Variants in PLEKHG3 observed in about 807,000 individuals in gnomAD.
PLEKHG3 encodes pleckstrin homology domain-containing family G member 3.
In PLEKHG3, 62 loss-of-function variants were observed where a neutral mutation model predicts 94.9. That is an observed-to-expected ratio of 0.65 (90% CI 0.53 to 0.81). The LOEUF (loss-of-function observed/expected upper bound fraction) is 0.81. Among genes scored for constraint, PLEKHG3 ranks in the 30% least tolerant of loss-of-function variants. The probability of loss-of-function intolerance (pLI) is 0.00; values close to 1 mark genes in which losing one functional copy is unlikely to be tolerated. For synonymous variants in PLEKHG3, 614 were observed against 654.0 expected (o/e 0.94, Z 0.93); for missense variants, 1,461 against 1,619.3 (o/e 0.90, Z 1.68).
rs1239583124 is a variant in PLEKHG3 at position 64,727,245 on chromosome 14, G to A, written c.-39-348G>A. Among the ~76,000 whole-genome samples, 1 of 152,166 alleles carries A rather than the reference G, an allele frequency of 6.6e-6. No individual in the cohort carries two copies. Among genetic ancestry groups the A allele is most frequent in the African/African-American group, 2.4e-5 (1 of 41,418 alleles). ...TAGAGGGTACCTGGACCACTGTGCT[G>A]GCAGGTGGACTTGGGCACCCTCATC... On this transcript the variant is annotated intron_variant, in intron 1 of 16. Coordinates refer to ENST00000247226, the MANE Select transcript of PLEKHG3 (RefSeq NM_001308147.2). The surrounding 1 kb of genome is among the most constrained non-coding windows in gnomAD (Gnocchi z 6.0).
rs779294263 is a variant in PLEKHG3, at chr14:64,741,794, C to G, written c.2277C>G (p.Ser759Arg). 6.2e-6 allele frequency: 10 copies of G among 1,613,420 alleles called. No homozygotes were observed. Among genetic ancestry groups the G allele is most frequent in the Non-Finnish European group, 7.6e-6 (9 of 1,180,046 alleles). The change falls in exon 16 of 17, where the codon AGC (serine) becomes AGG (arginine). Residue 759 changes from serine to arginine, a missense_variant. This residue lies in a region of PLEKHG3 where 1,201 missense variants were observed against 1,295.5 expected (regional missense o/e 0.93). Coordinates refer to ENST00000247226, the MANE Select transcript of PLEKHG3 (RefSeq NM_001308147.2). ...GAAACTCCATCTCCAGGTTCAACAG[C>G]CTTCCCCGGCCAGACCCAGAGCCAG... ...LVRNSISRFNSLPRPDPEPVP... is the reference protein window; with the variant it reads ...LVRNSISRFNRLPRPDPEPVP...
intron 3 of PLEKHG3, among the ~76,000 whole-genome samples, chr14:64,729,618 C>T (rs1385341133): frequency 1.3e-5 from 2 of 152,154 alleles, no homozygotes; most frequent in African/African-American, 2.4e-5. Flanking sequence ...CGGGAAAGTG[C>T]ACTGCTCTGG....
Position 64,727,679 on chromosome 14 carries a change from G to T in PLEKHG3, c.48G>T (p.Pro16=). 3 of 1,612,500 alleles carry T rather than the reference G, an allele frequency of 1.9e-6. No homozygotes were observed. The highest frequency in any genetic ancestry group is 1.7e-4 in the Middle Eastern group (1 of 6,058). Residue 16 remains proline, a synonymous_variant, in exon 2 of 17, where the codon CCG becomes CCT. Transcript: ENST00000247226. The surrounding 1 kb of genome is among the most constrained non-coding windows in gnomAD (Gnocchi z 6.0). ...ACCAGGATGGCAGCCAGGAGCGGCCGGTGAGCCTGACCTCTACCACCTCCT... is the reference window on the plus strand; with the variant it reads ...ACCAGGATGGCAGCCAGGAGCGGCCTGTGAGCCTGACCTCTACCACCTCCT... ...SLHQDGSQER[P]VSLTSTTSSS... is the part of the protein sequence containing the mutation.
Position 64,733,347 on chromosome 14 carries a change from G to C in PLEKHG3, c.1345+446G>C, listed in dbSNP as rs369267301. 6.7e-5 allele frequency among the ~76,000 whole-genome samples: 10 copies of C among 148,566 alleles called. 1 individual carries two copies. The highest frequency in any genetic ancestry group is 5.9e-4 in the Admixed American group (9 of 15,138). On this transcript the variant is annotated intron_variant, in intron 12 of 16. Transcript: ENST00000247226. ...ACCCAACTAATTTTTGTATTTTTTA[G>C]TAGAGATGGGATTTCACTATATGTT...
Position 64,749,180 on chromosome 14 carries a change from C to A in PLEKHG3, c.*5477C>A. 1 of 1,219,198 alleles carries A rather than the reference C, an allele frequency of 8.2e-7. No individual in the cohort carries two copies. Among genetic ancestry groups the A allele is most frequent in the Non-Finnish European group, 1.1e-6 (1 of 880,684 alleles). 75.5% of individuals were successfully genotyped at this position (1,219,198 alleles called of 1,614,324 possible). On this transcript the variant is annotated 3_prime_UTR_variant, in exon 17 of 17. Transcript: ENST00000247226. The surrounding 1 kb of genome is among the most constrained non-coding windows in gnomAD (Gnocchi z 4.7). Reference sequence around the variant, plus strand: ...CAGCTTTTGCAGTGCAGCGTGGGGCCCGGGGGCCCGGCCCGCGACTCGACT... The same window carrying A: ...CAGCTTTTGCAGTGCAGCGTGGGGCACGGGGGCCCGGCCCGCGACTCGACT...
At chr14:64,714,890 A>G (rs1187388959) in intron 1 of PLEKHG3, among the ~76,000 whole-genome samples, 2 of 151,938 alleles carry the variant, frequency 1.3e-5, no homozygotes, top group East Asian at 1.9e-4. Context: ...TTTGAGTGCC[A>G]GAGGACCTGG....
rs562209837 is a variant in PLEKHG3 at position 64,726,105 on chromosome 14, T to C, written c.-39-1488T>C. On this transcript the variant is annotated intron_variant, in intron 1 of 16. Transcript: ENST00000247226. The surrounding 1 kb of genome is among the most constrained non-coding windows in gnomAD (Gnocchi z 5.1). Reference sequence around the variant, plus strand: ...TAATTGGAGACCTAAAGATTGGATGTAAATTACATAGGTTGGGGGATGGTA... The same window carrying C: ...TAATTGGAGACCTAAAGATTGGATGCAAATTACATAGGTTGGGGGATGGTA... Among the ~76,000 whole-genome samples the C allele has an allele frequency of 7.9e-5, 12 of 152,106 alleles. No individual in the cohort carries two copies. The highest frequency in any genetic ancestry group is 2.9e-4 in the African/African-American group (12 of 41,472).
chr14:64,727,499 C>T lies in PLEKHG3; in HGVS notation c.-39-94C>T, dbSNP rs1566702038. On this transcript the variant is annotated intron_variant, in intron 1 of 16. Coordinates refer to ENST00000247226, the MANE Select transcript of PLEKHG3 (RefSeq NM_001308147.2). The surrounding 1 kb of genome is among the most constrained non-coding windows in gnomAD (Gnocchi z 6.0). ...TCTGGATGCACTAAATAATACCTTC[C>T]CACCCCACCTGCCCCCACCCCTGGC... The T allele has an allele frequency of 2.1e-6, 1 of 474,410 alleles. No homozygotes were observed. 29.4% of individuals were successfully genotyped at this position (474,410 alleles called of 1,614,324 possible).
In PLEKHG3 at chr14:64,716,067, G is replaced by A. The variant is rs955757614; in HGVS notation, c.-40+11363G>A. On this transcript the variant is annotated intron_variant, in intron 1 of 16. Coordinates refer to ENST00000247226, the MANE Select transcript of PLEKHG3 (RefSeq NM_001308147.2). This position sits in a 1 kb window ranked among gnomAD's most constrained non-coding sequence, Gnocchi z 5.0. The stretch of plus-strand genomic sequence containing the variant: ...GCCCCTCGCCACCCTCGTGGTGCCC[G>A]GATGGGAGCTCTCCTGAGGAAAGCG... 22 of 456,216 alleles carry A rather than the reference G, an allele frequency of 4.8e-5. No individual in the cohort carries two copies. The highest frequency in any genetic ancestry group is 3.8e-4 in the Admixed American group (16 of 42,542). 28.3% of individuals were successfully genotyped at this position (456,216 alleles called of 1,614,324 possible). A position where few individuals can be genotyped will look rare whatever the true frequency, so the allele number is the denominator to read the frequency against.
In PLEKHG3 at chr14:64,716,142, G is replaced by T; in HGVS notation, c.-40+11438G>T. On this transcript the variant is annotated intron_variant, in intron 1 of 16. Transcript: ENST00000247226. This position sits in a 1 kb window ranked among gnomAD's most constrained non-coding sequence, Gnocchi z 5.0. ...CAGGGGATGGGAATGGGGTGGGATGGGGACTCTTTCAACTCCGGGCCTCTA... is the reference window on the plus strand; with the variant it reads ...CAGGGGATGGGAATGGGGTGGGATGTGGACTCTTTCAACTCCGGGCCTCTA... 2.3e-6 allele frequency: 1 copy of T among 440,482 alleles called. No homozygotes were observed. The highest frequency in any genetic ancestry group is 2.0e-5 in the African/African-American group (1 of 49,634). 27.3% of individuals were successfully genotyped at this position (440,482 alleles called of 1,614,324 possible).
At chr14:64,713,076 C>T (rs35940976) in intron 1 of PLEKHG3, among the ~76,000 whole-genome samples, 12,282 of 152,222 alleles carry the variant, frequency 0.081, 673 homozygotes, top group Middle Eastern at 0.13. Context: ...GATTTTTACA[C>T]TTTATCCTAT....
chr14:64,743,524 G>T lies in PLEKHG3; in HGVS notation c.3481G>T (p.Glu1161Ter), dbSNP rs768924420. Residue 1161 changes from glutamate to a stop codon, truncating the protein, a stop_gained, in exon 17 of 17, where the codon GAG (glutamate) becomes TAG (stop). Transcript: ENST00000247226. LOFTEE classifies it low-confidence loss of function (END_TRUNC). The surrounding 1 kb of genome is among the most constrained non-coding windows in gnomAD (Gnocchi z 7.2). ...TCCCAGCCCCACTGCAGGGCTGGAG[G>T]AGAGCAGTGGCCAGGGACCAAGCTC... Reference protein sequence around the residue: ...PLPSPTAGLEESSGQGPSSPV... With the variant: ...PLPSPTAGLE The T allele has an allele frequency of 6.2e-6, 10 of 1,612,948 alleles. No individual in the cohort carries two copies. The highest frequency in any genetic ancestry group is 1.7e-5 in the Admixed American group (1 of 60,016).
chr14:64,729,784 AAGAGGAGGAGCAC>A (rs1234394868), intron 3 of PLEKHG3, among the ~76,000 whole-genome samples: 1 of 152,124 alleles, frequency 6.6e-6, no homozygotes, highest in Non-Finnish European at 1.5e-5. Context: ...GGGTTGGGAA[AAGAGGAGGAGCAC>A]AGAGGGAGGA....
chr14:64,740,898 G>T, intron 15 of PLEKHG3, 138 bp from the exon 16 acceptor site: 1 of 657,688 alleles, frequency 1.5e-6, no homozygotes, highest in Non-Finnish European at 2.6e-6. Flanking sequence ...CTCCTAAGTC[G>T]TGCTCATTCT....
chr14:64,727,966 TGCGCA>T lies in PLEKHG3; in HGVS notation c.338_342del (p.Arg113HisfsTer11). On this transcript the variant is annotated frameshift_variant, in exon 2 of 17. Transcript: ENST00000247226. LOFTEE classifies it high-confidence loss of function. The surrounding 1 kb of genome is among the most constrained non-coding windows in gnomAD (Gnocchi z 6.0). ...ACAGAGCGCATGTACGTACAGGACC[TGCGCA>T]GCATCGTGGAGGTGCGTGTCGGAGG... 1 of 1,577,974 alleles carries T rather than the reference TGCGCA, an allele frequency of 6.3e-7. No homozygotes were observed. Among genetic ancestry groups the T allele is most frequent in the Non-Finnish European group, 8.7e-7 (1 of 1,154,044 alleles).
intron 1 of PLEKHG3, among the ~76,000 whole-genome samples, chr14:64,710,614 T>C (rs1014132260): frequency 2.6e-5 from 4 of 152,042 alleles, no homozygotes; most frequent in Non-Finnish European, 4.4e-5. Context: ...GAGGTTGCAG[T>C]GGGCCGAGAT....
In PLEKHG3 at chr14:64,717,958, C is replaced by T. The variant is rs530628249; in HGVS notation, c.-39-9635C>T. Reference sequence around the variant, plus strand: ...TCCCACAAAGCCACGTGGATTCCTTCCATCTGTCCTTGGCCTGCCTTGCAG... The same window carrying T: ...TCCCACAAAGCCACGTGGATTCCTTTCATCTGTCCTTGGCCTGCCTTGCAG... On this transcript the variant is annotated intron_variant, in intron 1 of 16. Coordinates refer to ENST00000247226, the MANE Select transcript of PLEKHG3 (RefSeq NM_001308147.2). The surrounding 1 kb of genome is among the most constrained non-coding windows in gnomAD (Gnocchi z 4.7). Among the ~76,000 whole-genome samples, 2 of 152,382 alleles carry T rather than the reference C, an allele frequency of 1.3e-5. No homozygotes were observed. The highest frequency in any genetic ancestry group is 4.1e-4 in the South Asian group (2 of 4,832).
Position 64,743,959 on chromosome 14 carries a change from G to A in PLEKHG3, c.*256G>A, listed in dbSNP as rs962635178. ...CTTCCCTTGTAAATAGTTGTTCTCT[G>A]GTAAGAAGCCAAATATTTAAGCTCA... On this transcript the variant is annotated 3_prime_UTR_variant, in exon 17 of 17. Coordinates refer to ENST00000247226, the MANE Select transcript of PLEKHG3 (RefSeq NM_001308147.2). This position sits in a 1 kb window ranked among gnomAD's most constrained non-coding sequence, Gnocchi z 7.2. The A allele has an allele frequency of 1.9e-5, 7 of 376,552 alleles. No homozygotes were observed. Among genetic ancestry groups the A allele is most frequent in the Non-Finnish European group, 3.3e-5 (7 of 210,586 alleles). The allele number at this position is 376,552 out of a possible 1,614,324, so 23.3% of individuals were successfully genotyped here.
Position 64,729,021 on chromosome 14 carries a change from C to T in PLEKHG3, c.377C>T (p.Thr126Ile), listed in dbSNP as rs1193198514. ...VEDYLLKIIDTPGLLKPEQVS... is the reference protein window; with the variant it reads ...VEDYLLKIIDIPGLLKPEQVS... The stretch of plus-strand genomic sequence containing the variant: ...GACTACCTCTTGAAGATCATTGACA[C>T]ACCCGGGCTGCTGAAGCCAGAACAG... The change falls in exon 3 of 17, where the codon ACA (threonine) becomes ATA (isoleucine). Residue 126 changes from threonine (T) to isoleucine (I), a missense_variant. Around this residue, in one of 3 missense-constraint regions of PLEKHG3, gnomAD observed 253 missense variants for 297.8 expected, o/e 0.85. Coordinates refer to ENST00000247226, the MANE Select transcript of PLEKHG3 (RefSeq NM_001308147.2). The T allele has an allele frequency of 6.6e-7, 1 of 1,521,430 alleles. No homozygotes were observed. Among genetic ancestry groups the T allele is most frequent in the Non-Finnish European group, 8.8e-7 (1 of 1,133,828 alleles). The allele number at this position is 1,521,430 out of a possible 1,614,324, so 94.2% of individuals were successfully genotyped here. A position where few individuals can be genotyped will look rare whatever the true frequency, so the allele number is the denominator to read the frequency against.
Sources: allele counts gnomAD v4.1 joint callset (sites outside exome capture counted in the v4.1 genomes callset), GRCh38; gene constraint gnomAD v4.1.1; regional missense constraint gnomAD v4.1.1; non-coding constraint Gnocchi (gnomAD v3.1); transcripts MANE v1.5; gene names NCBI Gene and HGNC (gene_info 2026-07-23, HGNC 2026-07-21).